ADARB1: variants seen among roughly 807,000 people sequenced by gnomAD.
ADARB1 encodes adenosine deaminase RNA specific B1, also known as double-stranded RNA-specific editase 1.
A neutral mutation model predicts 52.4 loss-of-function variants in ADARB1; 10 were observed. The observed-to-expected ratio is 0.19, with a 90% CI of 0.12 to 0.32. ADARB1 has a LOEUF of 0.32. Among genes scored for constraint, ADARB1 ranks in the 10% least tolerant of loss-of-function variants. The pLI is 1.00. For missense variants in ADARB1, 643 were observed against 922.3 expected, an observed-to-expected ratio of 0.70 and a Z score of 3.92; for synonymous variants, 349 against 371.1, an observed-to-expected ratio of 0.94 and a Z score of 0.68.
Position 45,222,696 on chromosome 21 carries a change from A to T in ADARB1, c.*499A>T. On this transcript the variant is annotated 3_prime_UTR_variant, in exon 11 of 11. Coordinates refer to ENST00000348831, the MANE Select transcript of ADARB1 (RefSeq NM_001112.4). ...TGGAGGAGGGTGGGAAAATAGAGGT[A>T]GGAAATAGTAGCCTAAAGGAAATCG... is the stretch of plus-strand genomic sequence containing the variant. The T allele has an allele frequency of 1.0e-6, 1 of 986,692 alleles. No homozygotes were observed. The highest frequency in any genetic ancestry group is 1.2e-6 in the Non-Finnish European group (1 of 830,856). 61.1% of individuals were successfully genotyped at this position (986,692 alleles called of 1,614,324 possible).
intron 9 of ADARB1, among the ~76,000 whole-genome samples, chr21:45,217,655 C>T (rs190141749): frequency 1.4e-4 from 22 of 152,130 alleles, no homozygotes; most frequent in South Asian, 1.2e-3. Context: ...TTCCAGGGCT[C>T]TTCATTCTTT....
chr21:45,167,599 A>C (rs964854164), intron 2 of ADARB1, among the ~76,000 whole-genome samples: 10 of 152,048 alleles, frequency 6.6e-5, no homozygotes, highest in African/African-American at 2.2e-4. Flanking sequence ...AAAAATACAA[A>C]AATTAGCCAG....
intron 8 of ADARB1, among the ~76,000 whole-genome samples, chr21:45,191,106 G>C (rs1051727429): frequency 7.9e-5 from 12 of 152,166 alleles, no homozygotes; most frequent in African/African-American, 2.9e-4. Context: ...AGGGCCTGTA[G>C]CTTCCTAGAC....
chr21:45,171,600 T>C lies in ADARB1; in HGVS notation c.-47-10T>C, dbSNP rs2091485728. The C allele has an allele frequency of 1.3e-6, 2 of 1,565,828 alleles. No homozygotes were observed. Among genetic ancestry groups the C allele is most frequent in the African/African-American group, 1.4e-5 (1 of 73,902 alleles). ...GGCACACTAAATGCTATTTTCTTAC[T>C]GTCTTTCAGACAGAAACAGTCTCCG... On this transcript the variant is annotated splice_polypyrimidine_tract_variant and intron_variant, in intron 2 of 10. Coordinates refer to ENST00000348831, the MANE Select transcript of ADARB1 (RefSeq NM_001112.4).
chr21:45,109,519 T>C (rs1421495758), intron 1 of ADARB1, among the ~76,000 whole-genome samples: 1 of 152,258 alleles, frequency 6.6e-6, no homozygotes, highest in Non-Finnish European at 1.5e-5. Context: ...TGGTTGGTTT[T>C]TTCTGCGTCG....
intron 1 of ADARB1, among the ~76,000 whole-genome samples, chr21:45,101,494 T>C (rs2087014558): frequency 6.6e-6 from 1 of 152,274 alleles, no homozygotes; most frequent in African/African-American, 2.4e-5. Context: ...TTTGACGTTA[T>C]GATTAAGTAT....
chr21:45,095,822 A>T (rs1424375364), intron 1 of ADARB1, among the ~76,000 whole-genome samples: 1 of 152,174 alleles, frequency 6.6e-6, no homozygotes, highest in Non-Finnish European at 1.5e-5. Context: ...GTGCTCGAGA[A>T]AATAAGGCTC....
intron 2 of ADARB1, chr21:45,145,566 C>A (rs954378196): frequency 1.3e-5 from 2 of 152,254 alleles, no homozygotes; most frequent in Non-Finnish European, 2.9e-5. Flanking sequence ...GCCAGTCTCT[C>A]CCTGTGTCTG....
chr21:45,158,535 G>C (rs1041619750), intron 2 of ADARB1, among the ~76,000 whole-genome samples: 3 of 152,168 alleles, frequency 2.0e-5, no homozygotes, highest in Non-Finnish European at 2.9e-5. Flanking sequence ...CTTTGGTCCT[G>C]TACCAGTGAC....
At chr21:45,117,166 A>G (rs1054179080) in intron 1 of ADARB1, 6 of 152,200 alleles carry the variant, frequency 3.9e-5, no homozygotes, top group Admixed American at 1.3e-4. Flanking sequence ...CCCTCGAAGG[A>G]TGAAGGGAGC....
chr21:45,121,259 C>G (rs1190820647), intron 1 of ADARB1, among the ~76,000 whole-genome samples: 3 of 152,176 alleles, frequency 2.0e-5, no homozygotes, highest in Admixed American at 6.5e-5. Flanking sequence ...GCTACATATT[C>G]TTTCTCTACA....
At chr21:45,137,027 G>A (rs2089426579) in intron 2 of ADARB1, 1 of 152,148 alleles carries the variant, frequency 6.6e-6, no homozygotes, top group Non-Finnish European at 1.5e-5. Context: ...ACACACTGTT[G>A]GGTGTAAAAT....
In ADARB1 at chr21:45,157,988, C is replaced by T. The variant is rs2090753049; in HGVS notation, c.-47-13622C>T. 1.3e-5 allele frequency among the ~76,000 whole-genome samples: 2 copies of T among 152,256 alleles called. No homozygotes were observed. Among genetic ancestry groups the T allele is most frequent in the Non-Finnish European group, 1.5e-5 (1 of 68,052 alleles). On this transcript the variant is annotated intron_variant, in intron 2 of 10. Transcript: ENST00000348831. This position sits in a 1 kb window ranked among gnomAD's most constrained non-coding sequence, Gnocchi z 4.1. Reference sequence around the variant, plus strand: ...ACCCCCACAGGAGGCGAGCCTGTGTCCTTGCCCATCACCTCTTTCCAGCTG... The same window carrying T: ...ACCCCCACAGGAGGCGAGCCTGTGTTCTTGCCCATCACCTCTTTCCAGCTG...
chr21:45,212,435 C>T (rs1292730512), intron 9 of ADARB1, among the ~76,000 whole-genome samples: 2 of 152,154 alleles, frequency 1.3e-5, no homozygotes, highest in African/African-American at 2.4e-5. Context: ...TGGATGACCT[C>T]AGTTCCACTG....
Position 45,222,773 on chromosome 21 carries a change from G to A in ADARB1, c.*576G>A, listed in dbSNP as rs576579348. 7.1e-6 allele frequency: 7 copies of A among 985,846 alleles called. No individual in the cohort carries two copies. The highest frequency in any genetic ancestry group is 5.2e-4 in the Middle Eastern group (1 of 1,914). 61.1% of individuals were successfully genotyped at this position (985,846 alleles called of 1,614,324 possible). On this transcript the variant is annotated 3_prime_UTR_variant, in exon 11 of 11. Coordinates refer to ENST00000348831, the MANE Select transcript of ADARB1 (RefSeq NM_001112.4). ...CTTTTCTCCGTAGGTACCTCCCTGG[G>A]TAGTTCCACACACTAGGTTGTAACA...
intron 2 of ADARB1, among the ~76,000 whole-genome samples, chr21:45,161,608 C>A (rs1016606514): frequency 1.3e-5 from 2 of 152,242 alleles, no homozygotes; most frequent in South Asian, 2.1e-4. Context: ...CAGGAACACT[C>A]TGGATGCCAT....
intron 8 of ADARB1, among the ~76,000 whole-genome samples, chr21:45,201,507 C>T (rs1029522649): frequency 1.3e-5 from 2 of 152,182 alleles, no homozygotes; most frequent in African/African-American, 4.8e-5. Context: ...GCCTGTGTTT[C>T]TTAGAGGTAT....
At chr21:45,093,007 T>C (rs2086619969) in intron 1 of ADARB1, among the ~76,000 whole-genome samples, 1 of 152,056 alleles carries the variant, frequency 6.6e-6, no homozygotes, top group African/African-American at 2.4e-5. Context: ...GCCAACAGGG[T>C]AATCTGTTAC....
At chr21:45,148,101 C>T (rs1026729287) in intron 2 of ADARB1, among the ~76,000 whole-genome samples, 4 of 152,208 alleles carry the variant, frequency 2.6e-5, no homozygotes, top group East Asian at 1.9e-4. Context: ...TCTGTGAGAA[C>T]GGAGGCTCTG....
Sources: gnomAD v4.1 joint callset for allele counts (sites outside exome capture counted in the v4.1 genomes callset) on GRCh38, gnomAD v4.1.1 for gene constraint, Gnocchi (gnomAD v3.1) non-coding constraint, MANE v1.5 for transcripts, NCBI Gene and HGNC (gene_info 2026-07-23, HGNC 2026-07-21) for gene names.